Variants in DHX8 observed in about 807,000 individuals in gnomAD.
DHX8 encodes DEAH-box helicase 8, also known as ATP-dependent RNA helicase DHX8.
A neutral mutation model predicts 140.7 loss-of-function variants in DHX8; 67 were observed. That is an observed-to-expected ratio of 0.48 (90% CI 0.39 to 0.58). DHX8 has a LOEUF of 0.58. DHX8 is among the 20% of genes least tolerant of loss of function. DHX8 has a pLI of 0.00. For missense variants in DHX8, 887 were observed against 1,550.7 expected, an observed-to-expected ratio of 0.57 and a Z score of 7.19; for synonymous variants, 533 against 553.2, an observed-to-expected ratio of 0.96 and a Z score of 0.51.
rs35959204 is a variant in DHX8, at chr17:43,521,573, G to A, written c.3263+8G>A. On this transcript the variant is annotated splice_region_variant and intron_variant, in intron 21 of 22. Transcript: ENST00000262415. The stretch of plus-strand genomic sequence containing the variant: ...GTTAGGCATAATGGACAGGTAAGCT[G>A]GAATCTGATGACTCTGCATGTTTGA... 1.8e-3 allele frequency: 2,966 copies of A among 1,605,078 alleles called. 52 individuals carry two copies. In the African/African-American group the frequency reaches 0.035, roughly 19 times the overall value.
At chr17:43,530,578 C>T (rs1192225873), downstream of DHX8, 11 of 455,538 alleles carry the variant, frequency 2.4e-5, no homozygotes, top group Non-Finnish European at 3.9e-5. Flanking sequence ...GTCCGGTCAG[C>T]AGGTCAGGTT....
rs764231495 is a variant in DHX8 at position 43,492,880 on chromosome 17, C to T, written c.703C>T (p.Arg235Trp). 23 of 1,614,008 alleles carry T rather than the reference C, an allele frequency of 1.4e-5. No individual in the cohort carries two copies. The highest frequency in any genetic ancestry group is 2.2e-5 in the East Asian group (1 of 44,890). ...RSRSQSPPKD[R>W]KDRDKYGERN... is the part of the protein sequence containing the mutation. ...CAGGAGTCAGAGTCCCCCCAAAGAC[C>T]GGAAGGACCGGGACAAATATGGAGA... is the stretch of plus-strand genomic sequence containing the variant. Residue 235 changes from arginine to tryptophan, a missense_variant, in exon 6 of 23, where the codon CGG (arginine) becomes TGG (tryptophan). Around this residue, in one of 9 missense-constraint regions of DHX8, gnomAD observed 304 missense variants for 306.9 expected, o/e 0.99. Coordinates refer to ENST00000262415, the MANE Select transcript of DHX8 (RefSeq NM_004941.3).
intron 2 of DHX8, chr17:43,532,908 G>A: frequency 4.4e-6 from 7 of 1,591,572 alleles, no homozygotes; most frequent in Non-Finnish European, 6.0e-6. Flanking sequence ...GTGAAGGAGT[G>A]GCAAATGTCC....
intron 11 of DHX8, among the ~76,000 whole-genome samples, chr17:43,500,483 T>C (rs1969123502): frequency 6.6e-6 from 1 of 151,062 alleles, no homozygotes; most frequent in East Asian, 2.0e-4. Context: ...TGACACTCCA[T>C]CTCGAAAAAA....
intron 8 of DHX8, 76 bp from the exon 9 acceptor site, chr17:43,496,100 AAAAAC>A (rs1415403201): frequency 1.2e-5 from 14 of 1,141,172 alleles, no homozygotes; most frequent in Admixed American, 8.0e-5. Flanking sequence ...CCTGTCTCAA[AAAAAC>A]AAAACAAAAC....
chr17:43,497,971 C>G (rs893609354), intron 9 of DHX8, among the ~76,000 whole-genome samples: 1 of 152,112 alleles, frequency 6.6e-6, no homozygotes. Context: ...TGCCCTAGTA[C>G]CATTTAGAAT....
chr17:43,502,498 C>T (rs1328719708), intron 11 of DHX8, among the ~76,000 whole-genome samples: 2 of 152,186 alleles, frequency 1.3e-5, no homozygotes, highest in African/African-American at 4.8e-5. Context: ...AGTCTTGGCT[C>T]ACTGCAACCT....
intron 16 of DHX8, 62 bp from the exon 17 acceptor site, chr17:43,513,300 C>T: frequency 6.5e-7 from 1 of 1,542,734 alleles, no homozygotes; most frequent in Middle Eastern, 1.8e-4. Flanking sequence ...TTCAGAAGAC[C>T]TTTTCACACC....
chr17:43,524,484 A>G lies in DHX8; in HGVS notation c.*637A>G. The G allele has an allele frequency of 1.0e-6, 1 of 987,384 alleles. No homozygotes were observed. Among genetic ancestry groups the G allele is most frequent in the Non-Finnish European group, 1.2e-6 (1 of 831,456 alleles). The allele number at this position is 987,384 out of a possible 1,614,324, so 61.2% of individuals were successfully genotyped here. ...TCTTTGCGCTCGGAAACGACGTACA[A>G]CCCAGACTTCCAGCCTTGTCTTTCA... On this transcript the variant is annotated 3_prime_UTR_variant, in exon 23 of 23. Transcript: ENST00000262415.
intron 2 of DHX8, among the ~76,000 whole-genome samples, chr17:43,532,357 G>A (rs1970986504): frequency 6.6e-6 from 1 of 152,060 alleles, no homozygotes; most frequent in Admixed American, 6.6e-5. Flanking sequence ...AAATTAGCCG[G>A]GCACGGTGGC....
At chr17:43,527,073 C>A (rs997839110), downstream of DHX8, among the ~76,000 whole-genome samples, 1 of 152,144 alleles carries the variant, frequency 6.6e-6, no homozygotes, top group African/African-American at 2.4e-5. Flanking sequence ...GGCTCTAGAA[C>A]CACCCATTCT....
At chr17:43,522,670 C>T (rs2154586911) in intron 22 of DHX8, among the ~76,000 whole-genome samples, 1 of 150,240 alleles carries the variant, frequency 6.7e-6, no homozygotes, top group South Asian at 2.1e-4. Context: ...ATCGCTTGAA[C>T]CCAGGAGGTG....
At chr17:43,504,020 T>G (rs1969355184) in intron 11 of DHX8, among the ~76,000 whole-genome samples, 1 of 151,934 alleles carries the variant, frequency 6.6e-6, no homozygotes, top group Admixed American at 6.6e-5. Flanking sequence ...GAGGCTGCAG[T>G]GAGCCGTGAT....
At chr17:43,543,520 G>A (rs1971635953) in intron 3 of DHX8, among the ~76,000 whole-genome samples, 1 of 152,120 alleles carries the variant, frequency 6.6e-6, no homozygotes, top group South Asian at 2.1e-4. Flanking sequence ...GGGACTCTCA[G>A]CTGACAGGCA....
intron 2 of DHX8, among the ~76,000 whole-genome samples, chr17:43,532,369 G>A (rs1269136616): frequency 6.6e-6 from 1 of 152,036 alleles, no homozygotes; most frequent in Non-Finnish European, 1.5e-5. Context: ...CACGGTGGCT[G>A]GTGCCTGTAA....
chr17:43,528,350 A>G, downstream of DHX8: 1 of 527,446 alleles, frequency 1.9e-6, no homozygotes, highest in Non-Finnish European at 3.3e-6. Context: ...TTTCCTTCCC[A>G]ATGACTCCGG....
intron 16 of DHX8, among the ~76,000 whole-genome samples, chr17:43,511,456 A>AGTTTTTTTTTTTT (rs1969821105): frequency 1.8e-5 from 1 of 56,790 alleles, no homozygotes; most frequent in Non-Finnish European, 2.9e-5. Flanking sequence ...TGATCCCAGC[A>AGTTTTTTTTTTTT]TTTTTTTTTT....
At chr17:43,526,141 G>A (rs1488867978), downstream of DHX8, 14 of 985,360 alleles carry the variant, frequency 1.4e-5, no homozygotes, top group South Asian at 4.7e-5. Flanking sequence ...GAAGGGGGGG[G>A]TCCTGTCCAG....
intron 8 of DHX8, among the ~76,000 whole-genome samples, chr17:43,495,377 C>T (rs556955554): frequency 1.3e-5 from 2 of 152,302 alleles, no homozygotes; most frequent in South Asian, 4.1e-4. Flanking sequence ...CTTTCAGGCT[C>T]AAGCCATCCT....
Sources: allele counts gnomAD v4.1 joint callset (sites outside exome capture counted in the v4.1 genomes callset), GRCh38; gene constraint gnomAD v4.1.1; regional missense constraint gnomAD v4.1.1; transcripts MANE v1.5; gene names NCBI Gene and HGNC (gene_info 2026-07-23, HGNC 2026-07-21).